Variants in ATE1 observed in about 807,000 individuals in gnomAD.
ATE1 encodes the protein arginyl-tRNA--protein transferase 1.
ATE1 carries 36 observed loss-of-function variants against 70.5 expected under a neutral mutation model. The observed-to-expected ratio is 0.51, with a 90% CI of 0.39 to 0.67. ATE1 has a LOEUF of 0.67. Ranked by LOEUF, ATE1 falls within the 30% of genes least tolerant of loss-of-function variation. The pLI is 0.00. For missense variants in ATE1, 593 were observed against 629.5 expected (o/e 0.94, Z 0.62); for synonymous variants, 232 against 219.3 (o/e 1.06, Z -0.51).
intron 10 of ATE1, among the ~76,000 whole-genome samples, chr10:121,831,895 A>G (rs1270501403): frequency 6.6e-6 from 1 of 152,234 alleles, no homozygotes; most frequent in Admixed American, 6.5e-5. Context: ...CTACAGTCAC[A>G]GTAACTTGCT....
intron 10 of ATE1, among the ~76,000 whole-genome samples, chr10:121,791,020 G>GTGTATATA (rs1239992611): frequency 6.7e-6 from 1 of 150,154 alleles, no homozygotes; most frequent in Non-Finnish European, 1.5e-5. Flanking sequence ...GTATACATGT[G>GTGTATATA]TGTATATATG....
At chr10:121,758,185 A>G (rs933640764) in intron 11 of ATE1, among the ~76,000 whole-genome samples, 1 of 152,196 alleles carries the variant, frequency 6.6e-6, no homozygotes, top group Non-Finnish European at 1.5e-5. Flanking sequence ...TCATCTTAGG[A>G]TCTATTATGT....
intron 7 of ATE1, among the ~76,000 whole-genome samples, chr10:121,882,086 G>GT (rs1950244878): frequency 6.6e-6 from 1 of 152,102 alleles, no homozygotes; most frequent in Admixed American, 6.5e-5. Context: ...GTGAGCCACC[G>GT]TGCCCGGCCT....
At chr10:121,762,732 T>C (rs1185833748) in intron 11 of ATE1, among the ~76,000 whole-genome samples, 1 of 152,238 alleles carries the variant, frequency 6.6e-6, no homozygotes, top group Admixed American at 6.5e-5. Flanking sequence ...GGTCCCTTGA[T>C]ACTTGGAACT....
intron 7 of ATE1, among the ~76,000 whole-genome samples, chr10:121,891,391 C>A (rs1209965364): frequency 6.6e-6 from 1 of 152,062 alleles, no homozygotes; most frequent in South Asian, 2.1e-4. Context: ...CACATGGTGG[C>A]GACAGGAAAA....
At chr10:121,865,596 G>A (rs768014241) in intron 8 of ATE1, among the ~76,000 whole-genome samples, 32 of 152,288 alleles carry the variant, frequency 2.1e-4, no homozygotes, top group Non-Finnish European at 3.8e-4. Flanking sequence ...CTGTAAGGCC[G>A]GGGTCCGGTG....
intron 11 of ATE1, among the ~76,000 whole-genome samples, chr10:121,761,333 G>A (rs532843061): frequency 6.6e-6 from 1 of 152,242 alleles, no homozygotes; most frequent in African/African-American, 2.4e-5. Context: ...GCACTACCCT[G>A]TGATTAGTCA....
At chr10:121,888,837 A>G (rs1173041385) in intron 7 of ATE1, among the ~76,000 whole-genome samples, 7 of 152,176 alleles carry the variant, frequency 4.6e-5, no homozygotes, top group African/African-American at 1.7e-4. Context: ...AATAAAATAG[A>G]TAACTCACAC....
At chr10:121,856,252 G>A (rs775997721) in intron 8 of ATE1, among the ~76,000 whole-genome samples, 11 of 151,648 alleles carry the variant, frequency 7.3e-5, no homozygotes, top group African/African-American at 1.5e-4. Flanking sequence ...ATACCTGGCC[G>A]GGCGCAGTGG....
chr10:121,885,808 G>A lies in ATE1; in HGVS notation c.942+14058C>T, dbSNP rs141622073. On this transcript the variant is annotated intron_variant, in intron 7 of 11. Coordinates refer to ENST00000224652, the MANE Select transcript of ATE1 (RefSeq NM_001001976.3). ...CTAGCTACTTGGGAGGCTGAAGCAC[G>A]AGAATCGCTTGAACCTGGGAGGTGG... Among the ~76,000 whole-genome samples, 437 of 152,020 alleles carry A rather than the reference G, an allele frequency of 2.9e-3. 3 individuals carry two copies. The highest frequency in any genetic ancestry group is 2.6e-3 in the Non-Finnish European group (176 of 67,958).
chr10:121,784,627 G>A (rs1022673585), intron 11 of ATE1, among the ~76,000 whole-genome samples: 4 of 152,186 alleles, frequency 2.6e-5, no homozygotes, highest in African/African-American at 9.7e-5. Context: ...GGAGGCAGAG[G>A]CGGGTGGATC....
chr10:121,760,934 C>T (rs2135784764), intron 11 of ATE1, among the ~76,000 whole-genome samples: 1 of 152,246 alleles, frequency 6.6e-6, no homozygotes, highest in Non-Finnish European at 1.5e-5. Flanking sequence ...AATTTGATGT[C>T]CAATGTTGGA....
At chr10:121,756,923 C>T (rs781203915) in intron 11 of ATE1, among the ~76,000 whole-genome samples, 15 of 152,316 alleles carry the variant, frequency 9.8e-5, no homozygotes, top group South Asian at 4.1e-4. Context: ...TTGTTACTTA[C>T]GCAAATTTCT....
At chr10:121,814,645 G>T (rs1307216620) in intron 10 of ATE1, among the ~76,000 whole-genome samples, 1 of 152,128 alleles carries the variant, frequency 6.6e-6, no homozygotes, top group African/African-American at 2.4e-5. Context: ...AGATAAAGAC[G>T]TAAGAACAAA....
At chr10:121,924,161 A>T in intron 2 of ATE1, 105 bp downstream of exon 2, 3 of 1,036,708 alleles carry the variant, frequency 2.9e-6, no homozygotes, top group Admixed American at 2.2e-5. Context: ...TATAATAAAA[A>T]TTTTTCTTAA....
At chr10:121,796,595 T>G (rs898521364) in intron 10 of ATE1, among the ~76,000 whole-genome samples, 1 of 152,222 alleles carries the variant, frequency 6.6e-6, no homozygotes, top group African/African-American at 2.4e-5. Flanking sequence ...TCAATGGTCT[T>G]TTTCTTTGAT....
At chr10:121,749,450 T>A (rs1944496103) in intron 11 of ATE1, among the ~76,000 whole-genome samples, 2 of 152,074 alleles carry the variant, frequency 1.3e-5, no homozygotes. Context: ...CCCAAAGAAA[T>A]CAAGCTACAA....
In ATE1 at chr10:121,927,861, G is replaced by T; in HGVS notation, c.89C>A (p.Ser30Ter). 1 of 1,579,922 alleles carries T rather than the reference G, an allele frequency of 6.3e-7. No individual in the cohort carries two copies. Among genetic ancestry groups the T allele is most frequent in the Non-Finnish European group, 8.6e-7 (1 of 1,166,318 alleles). Reference sequence around the variant, plus strand: ...TCGCTCACCATTGGAGCGGCTGCCCGACTCGTTCTTGCAGTAGCCGCAGCG... The same window carrying T: ...TCGCTCACCATTGGAGCGGCTGCCCTACTCGTTCTTGCAGTAGCCGCAGCG... ...FYRCGYCKNE[S>*]GSRSNGMWAH... The change falls in exon 1 of 12, where the codon TCG (serine) becomes TAG (stop). Residue 30 changes from serine (S) to a stop codon, truncating the protein, a stop_gained. Coordinates refer to ENST00000224652, the MANE Select transcript of ATE1 (RefSeq NM_001001976.3). LOFTEE classifies it high-confidence loss of function.
chr10:121,746,787 A>G (rs886282463), intron 11 of ATE1, among the ~76,000 whole-genome samples: 1 of 152,312 alleles, frequency 6.6e-6, no homozygotes, highest in South Asian at 2.1e-4. Flanking sequence ...TTCTTCCTCA[A>G]CAGTCGTTGC....
Sources: allele counts gnomAD v4.1 joint callset (sites outside exome capture counted in the v4.1 genomes callset), GRCh38; gene constraint gnomAD v4.1.1; transcripts MANE v1.5; gene names NCBI Gene and HGNC (gene_info 2026-07-23, HGNC 2026-07-21).